The following ME2 variants were observed in gnomAD, a reference collection of about 807,000 sequenced individuals.
The protein encoded by ME2 is NAD-dependent malic enzyme, mitochondrial.
In ME2, 60 loss-of-function variants were observed where a neutral mutation model predicts 73.7. The observed-to-expected ratio is 0.81, with a 90% CI of 0.66 to 1.01. ME2 has a LOEUF of 1.01. ME2 is among the 50% of genes least tolerant of loss of function. The probability of loss-of-function intolerance (pLI) is 0.00; values close to 1 mark genes in which losing one functional copy is unlikely to be tolerated. For missense variants in ME2, 594 were observed against 705.5 expected, an observed-to-expected ratio of 0.84 and a Z score of 1.79; for synonymous variants, 199 against 236.9, an observed-to-expected ratio of 0.84 and a Z score of 1.47.
intron 2 of ME2, among the ~76,000 whole-genome samples, chr18:50,905,331 T>A (rs563323414): frequency 3.9e-5 from 6 of 152,216 alleles, no homozygotes; most frequent in Non-Finnish European, 7.3e-5. Context: ...GACTAGATAA[T>A]CTTGGGTGAC....
intron 2 of ME2, among the ~76,000 whole-genome samples, chr18:50,907,776 G>C (rs911853003): frequency 1.3e-5 from 2 of 152,096 alleles, no homozygotes; most frequent in African/African-American, 4.8e-5. Context: ...TGGCTCCCTG[G>C]AAGTCAGATT....
Position 50,940,289 on chromosome 18 carries a change from C to G in ME2, c.1490C>G (p.Ala497Gly). 6.2e-7 allele frequency: 1 copy of G among 1,602,784 alleles called. No homozygotes were observed. The highest frequency in any genetic ancestry group is 1.1e-5 in the South Asian group (1 of 88,328). ...SDSVFLEAAK[A>G]LTSQLTDEEL... ...GCAAAATGCTGTTTTTCTCTTCAGG[C>G]CCTGACAAGCCAATTGACAGATGAA... Residue 497 changes from alanine (A) to glycine (G), a missense_variant and splice_region_variant, in exon 15 of 16, where the codon GCC becomes GGC. Physicochemically the swap from Ala to Gly is moderately conservative, Grantham distance 60. Coordinates refer to ENST00000321341, the MANE Select transcript of ME2 (RefSeq NM_002396.5).
At chr18:50,922,430 T>G (rs770355655) in intron 10 of ME2, among the ~76,000 whole-genome samples, 1 of 152,232 alleles carries the variant, frequency 6.6e-6, no homozygotes, top group Non-Finnish European at 1.5e-5. Flanking sequence ...TAAACTGTGC[T>G]GCCTCCCAAA....
At position 50,896,685 on chromosome 18, in the gene ME2, GAA is replaced by G. The variant is rs201616948; in HGVS notation, c.108+760_108+761del. Among the ~76,000 whole-genome samples, 180 of 152,260 alleles carry G rather than the reference GAA, an allele frequency of 1.2e-3. 2 individuals carry two copies. The East Asian group carries it at 0.034, about 29-fold the overall frequency. On this transcript the variant is annotated intron_variant, in intron 2 of 15. Coordinates refer to ENST00000321341, the MANE Select transcript of ME2 (RefSeq NM_002396.5). ...CTTTTGGGGAAAGGTAAATTCAAAT[GAA>G]AAGTGTGACTTATTTTAAAAGAACA... is the stretch of plus-strand genomic sequence containing the variant.
chr18:50,885,528 A>AT (rs1227496851), intron 1 of ME2, among the ~76,000 whole-genome samples: 8 of 152,262 alleles, frequency 5.3e-5, no homozygotes, highest in South Asian at 2.1e-4. Context: ...TAAAAAAAAA[A>AT]ATATATAAAA....
At chr18:50,926,390 T>C (rs1164644158) in intron 12 of ME2, among the ~76,000 whole-genome samples, 3 of 152,312 alleles carry the variant, frequency 2.0e-5, no homozygotes, top group Non-Finnish European at 4.4e-5. Context: ...TTTGAAGATA[T>C]CATTTTACTG....
chr18:50,937,927 T>C (rs1917854906), intron 13 of ME2, among the ~76,000 whole-genome samples: 1 of 152,068 alleles, frequency 6.6e-6, no homozygotes, highest in Non-Finnish European at 1.5e-5. Flanking sequence ...ACTGAAAGAC[T>C]CGTGTTTTCA....
At chr18:50,897,074 G>A (rs143150541) in intron 2 of ME2, among the ~76,000 whole-genome samples, 26 of 152,240 alleles carry the variant, frequency 1.7e-4, no homozygotes, top group Middle Eastern at 6.8e-3. Context: ...AAACCCCATA[G>A]CAGTTTCTTC....
chr18:50,880,753 G>T (rs2144170728), intron 1 of ME2, among the ~76,000 whole-genome samples: 1 of 152,296 alleles, frequency 6.6e-6, no homozygotes, highest in African/African-American at 2.4e-5. Flanking sequence ...AATAGGAAAT[G>T]TTGGGCTATG....
At chr18:50,939,535 G>A in intron 13 of ME2, 35 bp from the exon 14 acceptor site, 1 of 1,431,830 alleles carries the variant, frequency 7.0e-7, no homozygotes, top group Non-Finnish European at 9.8e-7. Context: ...AATTTGAAAA[G>A]TGACCATACT....
chr18:50,939,680 T>G, intron 14 of ME2, 40 bp downstream of exon 14: 2 of 1,360,368 alleles, frequency 1.5e-6, no homozygotes, highest in South Asian at 2.3e-5. Flanking sequence ...AAAGGATGAA[T>G]TATAAAGATG....
Position 50,917,588 on chromosome 18 carries a change from A to C in ME2, c.630+80A>C, listed in dbSNP as rs566008961. The C allele has an allele frequency of 1.1e-4, 112 of 1,065,830 alleles. No individual in the cohort carries two copies. In the African/African-American group the frequency reaches 1.5e-3, roughly 14 times the overall value. 66.0% of individuals were successfully genotyped at this position (1,065,830 alleles called of 1,614,324 possible). On this transcript the variant is annotated intron_variant, in intron 6 of 15. Transcript: ENST00000321341. ...ACAATATTCCTTTTTTGAAAATGAT[A>C]ATTTAAGAAGGGAAAGTTTTATGAT...
At chr18:50,910,757 G>A (rs543591361) in intron 3 of ME2, among the ~76,000 whole-genome samples, 2 of 152,308 alleles carry the variant, frequency 1.3e-5, no homozygotes, top group East Asian at 3.9e-4. Context: ...CTGGTGGAAA[G>A]GCAGACACTG....
At chr18:50,895,269 C>T (rs1447909876) in intron 1 of ME2, among the ~76,000 whole-genome samples, 1 of 152,062 alleles carries the variant, frequency 6.6e-6, no homozygotes, top group South Asian at 2.1e-4. Context: ...TATATGTTTT[C>T]TAGCCAATTT....
At chr18:50,909,102 C>T (rs1217614305) in intron 3 of ME2, among the ~76,000 whole-genome samples, 1 of 151,888 alleles carries the variant, frequency 6.6e-6, no homozygotes, top group African/African-American at 2.4e-5. Context: ...TACAGGAGTG[C>T]ACCACCACAC....
chr18:50,881,402 G>T (rs1343633206), intron 1 of ME2, among the ~76,000 whole-genome samples: 2 of 152,044 alleles, frequency 1.3e-5, no homozygotes, highest in African/African-American at 2.4e-5. Flanking sequence ...AATATTACAG[G>T]ACAAAATTCA....
chr18:50,901,283 TTCTA>T (rs1469075852), intron 2 of ME2, among the ~76,000 whole-genome samples: 1 of 152,238 alleles, frequency 6.6e-6, no homozygotes, highest in Non-Finnish European at 1.5e-5. Flanking sequence ...ATCGTTTGCC[TTCTA>T]TCTTACATTT....
intron 12 of ME2, among the ~76,000 whole-genome samples, chr18:50,930,786 T>C (rs1274218383): frequency 6.6e-6 from 1 of 152,232 alleles, no homozygotes; most frequent in African/African-American, 2.4e-5. Context: ...TGTGATAACA[T>C]GTATGACATT....
intron 15 of ME2, among the ~76,000 whole-genome samples, chr18:50,945,844 A>C (rs1035745220): frequency 9.2e-5 from 14 of 152,282 alleles, no homozygotes; most frequent in Middle Eastern, 3.4e-3. Context: ...AGGCAGGCGG[A>C]TCACCTGCGG....
Sources: allele counts gnomAD v4.1 joint callset (sites outside exome capture counted in the v4.1 genomes callset), GRCh38; gene constraint gnomAD v4.1.1; transcripts MANE v1.5; gene names NCBI Gene and HGNC (gene_info 2026-07-23, HGNC 2026-07-21).